The following PCDHGA9 variants were observed in gnomAD, a reference collection of about 807,000 sequenced individuals.
The protein encoded by PCDHGA9 is protocadherin gamma subfamily A, 9.
PCDHGA9 carries 37 observed loss-of-function variants against 62.5 expected under a neutral mutation model. The observed-to-expected ratio is 0.59, with a 90% CI of 0.46 to 0.78. The LOEUF (loss-of-function observed/expected upper bound fraction) is 0.78, where lower values mean the gene tolerates loss of function less well. Ranked by LOEUF, PCDHGA9 falls within the 30% of genes least tolerant of loss-of-function variation. PCDHGA9 has a pLI of 0.00. For synonymous variants in PCDHGA9, 459 were observed against 484.6 expected (o/e 0.95, Z 0.69); for missense variants, 1,138 against 1,166.2 (o/e 0.98, Z 0.35).
chr5:141,413,477 C>A, intron 1 of PCDHGA9: 1 of 1,614,100 alleles, frequency 6.2e-7, no homozygotes, highest in Non-Finnish European at 8.5e-7. Flanking sequence ...GAGCTCTGCG[C>A]TCAGAGCGCG....
chr5:141,404,023 A>G lies in PCDHGA9; in HGVS notation c.1071A>G (p.Arg357=). The G allele has an allele frequency of 6.2e-7, 1 of 1,613,874 alleles. No homozygotes were observed. Among genetic ancestry groups the G allele is most frequent in the South Asian group, 1.1e-5 (1 of 91,056 alleles). ...TTACATCTCTGTTTAGCCCAGTGAG[A>G]GAAGACGCACCTCAGGGAACAGTAA... ...VTITSLFSPV[R]EDAPQGTVIL... is the part of the protein sequence containing the mutation. Residue 357 remains arginine (R), a synonymous_variant, in exon 1 of 4, where the codon AGA becomes AGG. Coordinates refer to ENST00000573521, the MANE Select transcript of PCDHGA9 (RefSeq NM_018921.3).
intron 2 of PCDHGA9, among the ~76,000 whole-genome samples, chr5:141,497,501 C>T (rs1268186916): frequency 6.6e-6 from 1 of 151,182 alleles, no homozygotes; most frequent in Non-Finnish European, 1.5e-5. Flanking sequence ...TCTCTCCTCT[C>T]TCTGCTTCCT....
intron 1 of PCDHGA9, among the ~76,000 whole-genome samples, chr5:141,448,378 A>G (rs1288817591): frequency 6.6e-6 from 1 of 152,154 alleles, no homozygotes; most frequent in East Asian, 1.9e-4. Context: ...ATTTTTGAAT[A>G]GGAAATACAT....
chr5:141,506,444 CAAAAA>C (rs1219684339), intron 3 of PCDHGA9, among the ~76,000 whole-genome samples: 4 of 95,024 alleles, frequency 4.2e-5, no homozygotes, highest in Admixed American at 1.1e-4. Flanking sequence ...CGCTCTGTCT[CAAAAA>C]AAAAAAAAAA....
At chr5:141,472,994 A>AAAG (rs2099310386) in intron 1 of PCDHGA9, among the ~76,000 whole-genome samples, 1 of 151,692 alleles carries the variant, frequency 6.6e-6, no homozygotes, top group Non-Finnish European at 1.5e-5. Flanking sequence ...AAAAAAAAAA[A>AAAG]AAAGAAAGAA....
At chr5:141,443,050 T>C (rs1290373918) in intron 1 of PCDHGA9, among the ~76,000 whole-genome samples, 1 of 152,236 alleles carries the variant, frequency 6.6e-6, no homozygotes, top group Non-Finnish European at 1.5e-5. Flanking sequence ...AAAATTATTG[T>C]TCCACTGAAG....
chr5:141,449,256 A>C (rs929920180), intron 1 of PCDHGA9, among the ~76,000 whole-genome samples: 5 of 152,176 alleles, frequency 3.3e-5, no homozygotes, highest in Non-Finnish European at 5.9e-5. Context: ...CAAGAATTGT[A>C]CAAAGAACTG....
intron 1 of PCDHGA9, chr5:141,410,249 G>A (rs371076854): frequency 1.2e-6 from 2 of 1,613,992 alleles, no homozygotes; most frequent in Non-Finnish European, 8.5e-7. Flanking sequence ...TGTACTCTCT[G>A]ACCCCCAGGC....
At chr5:141,443,344 G>T (rs1016738767) in intron 1 of PCDHGA9, among the ~76,000 whole-genome samples, 2 of 151,966 alleles carry the variant, frequency 1.3e-5, no homozygotes, top group African/African-American at 2.4e-5. Context: ...AATTAACAAG[G>T]TTTAGTGGTC....
intron 1 of PCDHGA9, chr5:141,441,037 A>G (rs1318122240): frequency 6.6e-6 from 1 of 152,194 alleles, no homozygotes; most frequent in Admixed American, 6.5e-5. Context: ...GAAAACTTTA[A>G]GTACATTGGA....
Position 141,432,427 on chromosome 5 carries a change from C to T in PCDHGA9, c.2424+27051C>T, listed in dbSNP as rs775150918. 2.2e-5 allele frequency: 36 copies of T among 1,614,124 alleles called. No homozygotes were observed. The highest frequency in any genetic ancestry group is 3.1e-5 in the Non-Finnish European group (36 of 1,180,044). ...TGAGCCTGTTCGTGCTGGACCAGAA[C>T]GACAATGCGCCCGAGATCCTGTACC... On this transcript the variant is annotated intron_variant, in intron 1 of 3. Transcript: ENST00000573521. This position sits in a 1 kb window ranked among gnomAD's most constrained non-coding sequence, Gnocchi z 6.0.
intron 1 of PCDHGA9, chr5:141,409,322 C>A (rs1161029892): frequency 6.2e-7 from 1 of 1,613,988 alleles, no homozygotes; most frequent in Non-Finnish European, 8.5e-7. Flanking sequence ...AACACGGGAT[C>A]TGGATTTCGG....
chr5:141,498,967 GGGAGGGAAGGAAGGAA>G (rs1333462541), intron 2 of PCDHGA9, among the ~76,000 whole-genome samples: 8 of 129,672 alleles, frequency 6.2e-5, no homozygotes, highest in East Asian at 2.2e-4. Context: ...GAGGGAGGGA[GGGAGGGAAGGAAGGAA>G]GGAAGGAAGG....
At chr5:141,424,245 A>T (rs1196753393) in intron 1 of PCDHGA9, 3 of 155,310 alleles carry the variant, frequency 1.9e-5, no homozygotes, top group African/African-American at 7.2e-5. Context: ...GGTGGCTGGT[A>T]ATATGCTTAG....
Position 141,486,427 on chromosome 5 carries a change from A to G in PCDHGA9, c.2425-8380A>G. On this transcript the variant is annotated intron_variant, in intron 1 of 3. Transcript: ENST00000573521. This position sits in a 1 kb window ranked among gnomAD's most constrained non-coding sequence, Gnocchi z 5.0. ...CTGGACCCTTGGATCGAGAGGCCAA[A>G]TCTAGCTATGACATCATGGTCACTG... The G allele has an allele frequency of 6.2e-7, 1 of 1,614,160 alleles. No homozygotes were observed. Among genetic ancestry groups the G allele is most frequent in the Non-Finnish European group, 8.5e-7 (1 of 1,180,016 alleles).
chr5:141,491,802 G>A lies in PCDHGA9; in HGVS notation c.2425-3005G>A. 6.7e-7 allele frequency: 1 copy of A among 1,497,480 alleles called. No homozygotes were observed. Among genetic ancestry groups the A allele is most frequent in the East Asian group, 2.5e-5 (1 of 40,518 alleles). The allele number at this position is 1,497,480 out of a possible 1,614,324, so 92.8% of individuals were successfully genotyped here. ...ACTTGCATCCACTCCTCTCCGGCCG[G>A]CTTGGTCGCTGGCTGCGCTCCACCC... On this transcript the variant is annotated intron_variant, in intron 1 of 3. Coordinates refer to ENST00000573521, the MANE Select transcript of PCDHGA9 (RefSeq NM_018921.3). The surrounding 1 kb of genome is among the most constrained non-coding windows in gnomAD (Gnocchi z 6.9).
intron 1 of PCDHGA9, among the ~76,000 whole-genome samples, chr5:141,482,875 C>T (rs2099573976): frequency 6.6e-6 from 1 of 151,958 alleles, no homozygotes; most frequent in African/African-American, 2.4e-5. Context: ...AGTTTGAAAC[C>T]AGCCTGGCCA....
chr5:141,462,599 T>TGG (rs2099043404), intron 1 of PCDHGA9, among the ~76,000 whole-genome samples: 1 of 152,208 alleles, frequency 6.6e-6, no homozygotes, highest in African/African-American at 2.4e-5. Context: ...CCATTTCATA[T>TGG]ATTGTATTTT....
chr5:141,474,710 A>T (rs535069070), intron 1 of PCDHGA9, among the ~76,000 whole-genome samples: 31 of 152,330 alleles, frequency 2.0e-4, no homozygotes, highest in African/African-American at 6.3e-4. Context: ...GTTCTATTAT[A>T]CTTCAAAAGG....
Sources: gnomAD v4.1 joint callset for allele counts (sites outside exome capture counted in the v4.1 genomes callset) on GRCh38, gnomAD v4.1.1 for gene constraint, Gnocchi (gnomAD v3.1) non-coding constraint, MANE v1.5 for transcripts, NCBI Gene and HGNC (gene_info 2026-07-23, HGNC 2026-07-21) for gene names.